CBLN2: variants seen among roughly 807,000 people sequenced by gnomAD.
CBLN2 encodes the protein cerebellin-2.
In CBLN2, 7 loss-of-function variants were observed where a neutral mutation model predicts 15.0. The ratio of observed to expected loss-of-function variants is 0.47; its 90% confidence interval spans 0.27 to 0.88. The LOEUF (loss-of-function observed/expected upper bound fraction) is 0.88, where lower values mean the gene tolerates loss of function less well. CBLN2 is among the 40% of genes least tolerant of loss of function. The pLI is 0.14. For synonymous variants in CBLN2, 149 were observed against 135.2 expected (o/e 1.10, Z -0.71); for missense variants, 242 against 304.5 (o/e 0.79, Z 1.53).
At chr18:72,584,751 T>C (rs1434542700) in intron 1 of CBLN2, among the ~76,000 whole-genome samples, 1 of 152,182 alleles carries the variant, frequency 6.6e-6, no homozygotes, top group Non-Finnish European at 1.5e-5. Context: ...TAAATAAAGA[T>C]TGAATATATA....
intron 1 of CBLN2, among the ~76,000 whole-genome samples, chr18:72,554,428 C>A (rs1300398738): frequency 3.3e-5 from 5 of 151,980 alleles, no homozygotes; most frequent in African/African-American, 1.2e-4. Flanking sequence ...AAATTGTTCC[C>A]TTTCCTTTCA....
intron 1 of CBLN2, among the ~76,000 whole-genome samples, chr18:72,560,386 T>A (rs1568255534): frequency 6.6e-6 from 1 of 152,236 alleles, no homozygotes; most frequent in Non-Finnish European, 1.5e-5. Context: ...AACAGCTTTA[T>A]CAGCCTACAA....
At chr18:72,581,461 C>T (rs1432080) in intron 1 of CBLN2, among the ~76,000 whole-genome samples, 81,240 of 151,978 alleles carry the variant, frequency 0.53, 26,296 homozygotes, top group Non-Finnish European at 0.73. Context: ...ATTTGTATTT[C>T]CTTGGTTACT....
intron 1 of CBLN2, among the ~76,000 whole-genome samples, chr18:72,575,984 C>T (rs1269747734): frequency 2.6e-5 from 4 of 152,116 alleles, no homozygotes; most frequent in Admixed American, 2.6e-4. Flanking sequence ...GAACCCAATC[C>T]TTCCATTTTG....
intron 1 of CBLN2, among the ~76,000 whole-genome samples, chr18:72,567,215 T>C (rs2069300838): frequency 6.6e-6 from 1 of 152,192 alleles, no homozygotes; most frequent in Non-Finnish European, 1.5e-5. Flanking sequence ...TCATACCGTA[T>C]TCCATAAATA....
chr18:72,567,504 A>C (rs892670740), intron 1 of CBLN2, among the ~76,000 whole-genome samples: 1 of 152,322 alleles, frequency 6.6e-6, no homozygotes, highest in Non-Finnish European at 1.5e-5. Context: ...ATGTCCATAC[A>C]CATACTCAAG....
At chr18:72,538,445 A>G (rs995418522) in intron 4 of CBLN2, 72 bp from the exon 5 acceptor site, 2 of 1,544,376 alleles carry the variant, frequency 1.3e-6, no homozygotes, top group Non-Finnish European at 1.8e-6. Flanking sequence ...CTCCTTTGCC[A>G]ATATCCCCAC....
At chr18:72,629,765 G>T (rs1287530809) in intron 1 of CBLN2, among the ~76,000 whole-genome samples, 5 of 152,030 alleles carry the variant, frequency 3.3e-5, no homozygotes, top group Admixed American at 3.3e-4. Flanking sequence ...ATAAATGCTG[G>T]ATGGTAACTT....
intron 1 of CBLN2, among the ~76,000 whole-genome samples, chr18:72,553,800 AT>A (rs2069206704): frequency 1.3e-5 from 2 of 152,220 alleles, no homozygotes; most frequent in Admixed American, 6.5e-5. Flanking sequence ...AGCTGAAAAC[AT>A]TATAGAGTGA....
rs77463842 is a variant in CBLN2 at position 72,584,037 on chromosome 18, C to T, written c.16-45265G>A. Among the ~76,000 whole-genome samples, 1,479 of 152,304 alleles carry T rather than the reference C, an allele frequency of 9.7e-3. 28 individuals are homozygous for T. The highest frequency in any genetic ancestry group is 0.034 in the African/African-American group (1,393 of 41,562). On this transcript the variant is annotated intron_variant, in intron 1 of 2. Transcript: ENST00000581073. ...GAGGGCCTGAAGGACCTGGCTCCTG[C>T]CTCTTTCCTCGCTCAGTTTTCTCCA... is the stretch of plus-strand genomic sequence containing the variant.
At chr18:72,617,963 A>G (rs929999045) in intron 1 of CBLN2, among the ~76,000 whole-genome samples, 18 of 152,314 alleles carry the variant, frequency 1.2e-4, no homozygotes, top group African/African-American at 4.3e-4. Flanking sequence ...AAAAAAATTA[A>G]ATGGAAGAAA....
At chr18:72,597,581 AAT>A (rs2069521261) in intron 1 of CBLN2, among the ~76,000 whole-genome samples, 1 of 152,156 alleles carries the variant, frequency 6.6e-6, no homozygotes, top group South Asian at 2.1e-4. Flanking sequence ...AGGTGTCTAT[AAT>A]CAGCAGGTGG....
At chr18:72,548,574 G>C (rs147189416), upstream of CBLN2, among the ~76,000 whole-genome samples, 499 of 152,218 alleles carry the variant, frequency 3.3e-3, 3 homozygotes, top group African/African-American at 0.012. Flanking sequence ...CACTATAAAA[G>C]CCATTTTATA....
intron 1 of CBLN2, among the ~76,000 whole-genome samples, chr18:72,626,019 G>A (rs767023988): frequency 4.0e-5 from 6 of 151,420 alleles, no homozygotes; most frequent in African/African-American, 1.2e-4. Flanking sequence ...CCAGCTGCCC[G>A]TCACGCCCCA....
At chr18:72,574,409 A>C (rs538371083) in intron 1 of CBLN2, among the ~76,000 whole-genome samples, 1 of 152,306 alleles carries the variant, frequency 6.6e-6, no homozygotes, top group South Asian at 2.1e-4. Context: ...ACTGTTCTGA[A>C]GACTTTTGCT....
intron 1 of CBLN2, among the ~76,000 whole-genome samples, chr18:72,570,356 G>A (rs1419750807): frequency 7.1e-6 from 1 of 141,170 alleles, no homozygotes; most frequent in Middle Eastern, 3.6e-3. Context: ...GCCCACCTCA[G>A]CCTCCCAGGT....
chr18:72,538,461 C>A, intron 4 of CBLN2, 88 bp from the exon 5 acceptor site: 1 of 1,486,384 alleles, frequency 6.7e-7, no homozygotes, highest in South Asian at 1.2e-5. Flanking sequence ...CCCACTCCCA[C>A]CCCCATCCTT....
At chr18:72,573,671 A>G (rs2069346177) in intron 1 of CBLN2, among the ~76,000 whole-genome samples, 1 of 152,146 alleles carries the variant, frequency 6.6e-6, no homozygotes, top group Non-Finnish European at 1.5e-5. Flanking sequence ...GTGTTGTACC[A>G]TAGTTTATTT....
At chr18:72,567,327 C>A (rs1422120608) in intron 1 of CBLN2, among the ~76,000 whole-genome samples, 1 of 152,026 alleles carries the variant, frequency 6.6e-6, no homozygotes. Context: ...TAAAAAAAAT[C>A]CATTATGTAT....
Sources: allele counts gnomAD v4.1 joint callset (sites outside exome capture counted in the v4.1 genomes callset), GRCh38; gene constraint gnomAD v4.1.1; transcripts MANE v1.5; gene names NCBI Gene and HGNC (gene_info 2026-07-23, HGNC 2026-07-21).